NOL4: variants seen among roughly 807,000 people sequenced by gnomAD.
NOL4 encodes the protein nucleolar protein 4, also known as cancer/testis antigen 125.
In NOL4, 17 loss-of-function variants were observed where a neutral mutation model predicts 75.9. The ratio of observed to expected loss-of-function variants is 0.22; its 90% CI spans 0.15 to 0.34. The LOEUF (loss-of-function observed/expected upper bound fraction) is 0.34, where lower values mean the gene tolerates loss of function less well. Among genes scored for constraint, NOL4 ranks in the 10% least tolerant of loss-of-function variants. NOL4 has a pLI of 1.00. For missense variants in NOL4, 614 were observed against 793.5 expected (o/e 0.77, Z 2.72); for synonymous variants, 292 against 289.9 (o/e 1.01, Z -0.07).
intron 6 of NOL4, among the ~76,000 whole-genome samples, chr18:34,009,380 C>A (rs574735897): frequency 9.2e-5 from 14 of 151,960 alleles, no homozygotes; most frequent in African/African-American, 3.4e-4. Context: ...CTTCAAGTTG[C>A]CAATCTCAGT....
chr18:34,053,467 G>T (rs1402160358), intron 5 of NOL4, among the ~76,000 whole-genome samples: 1 of 151,886 alleles, frequency 6.6e-6, no homozygotes, highest in African/African-American at 2.4e-5. Context: ...GGAGAAAAAA[G>T]CTTATTATAA....
intron 5 of NOL4, among the ~76,000 whole-genome samples, chr18:34,046,113 T>G (rs931036754): frequency 1.3e-5 from 2 of 152,158 alleles, no homozygotes; most frequent in Non-Finnish European, 2.9e-5. Context: ...TGGTTTCCCA[T>G]GCAAAAATTC....
intron 6 of NOL4, among the ~76,000 whole-genome samples, chr18:34,018,280 G>C (rs1284805933): frequency 2.0e-5 from 3 of 152,126 alleles, no homozygotes; most frequent in African/African-American, 7.2e-5. Context: ...CACTGAGGAG[G>C]ATATTTGAAC....
At chr18:34,024,315 C>T (rs576089698) in intron 5 of NOL4, among the ~76,000 whole-genome samples, 25 of 150,030 alleles carry the variant, frequency 1.7e-4, no homozygotes, top group African/African-American at 5.9e-4. Context: ...CCCAAATTCA[C>T]CACAATTTTC....
chr18:33,952,040 T>G (rs928879205), intron 8 of NOL4, among the ~76,000 whole-genome samples: 1 of 152,206 alleles, frequency 6.6e-6, no homozygotes, highest in Non-Finnish European at 1.5e-5. Context: ...AAGAGTTTCC[T>G]ACTCATTTCA....
At chr18:34,116,368 T>C (rs2079858293) in intron 2 of NOL4, among the ~76,000 whole-genome samples, 1 of 152,184 alleles carries the variant, frequency 6.6e-6, no homozygotes, top group Admixed American at 6.5e-5. Context: ...TACTTGCCAA[T>C]GTTCTGCTTT....
At chr18:33,907,310 C>T (rs980099671) in intron 9 of NOL4, among the ~76,000 whole-genome samples, 31 of 108,890 alleles carry the variant, frequency 2.8e-4, no homozygotes, top group Non-Finnish European at 4.4e-4. Context: ...GGCGACAGAG[C>T]GAGACTCCAT....
chr18:34,180,865 T>G (rs919859390), intron 1 of NOL4, among the ~76,000 whole-genome samples: 4 of 151,304 alleles, frequency 2.6e-5, no homozygotes, highest in Non-Finnish European at 5.9e-5. Context: ...AAAAATAAAT[T>G]TAACAAAATA....
rs1339092146 is a variant in NOL4, at chr18:33,905,931, C to T, written c.1543-22507G>A. ...CAACATCCCATTGTCCTCAATTCCA[C>T]AAGATTTTGGAATGAACCTTTGAGA... On this transcript the variant is annotated intron_variant, in intron 9 of 10. Transcript: ENST00000261592. 2.0e-5 allele frequency among the ~76,000 whole-genome samples: 3 copies of T among 152,200 alleles called. No individual in the cohort carries two copies. In the East Asian group the frequency reaches 5.8e-4, roughly 29 times the overall value.
At chr18:34,118,097 A>G (rs577680267) in intron 2 of NOL4, among the ~76,000 whole-genome samples, 25 of 152,348 alleles carry the variant, frequency 1.6e-4, no homozygotes, top group Admixed American at 5.9e-4. Flanking sequence ...AGCAAACAAT[A>G]ATTAATATAA....
intron 5 of NOL4, among the ~76,000 whole-genome samples, chr18:34,019,856 C>T (rs149147096): frequency 6.6e-6 from 1 of 151,666 alleles, no homozygotes; most frequent in Non-Finnish European, 1.5e-5. Flanking sequence ...GGTCTAGTGG[C>T]AGGTGTTTGG....
rs139990261 is a variant in NOL4, at chr18:33,874,706, T to C, written c.1723+8538A>G. Among the ~76,000 whole-genome samples the C allele has an allele frequency of 6.1e-4, 93 of 151,834 alleles. 1 individual carries two copies. Among genetic ancestry groups the C allele is most frequent in the African/African-American group, 2.2e-3 (93 of 41,442 alleles). ...CGTGGAATGAAAAGTAAAAGGGAGG[T>C]AAGAAGTGAAGGCAGTGAATGAATA... On this transcript the variant is annotated intron_variant, in intron 10 of 10. Coordinates refer to ENST00000261592, the MANE Select transcript of NOL4 (RefSeq NM_003787.5).
intron 6 of NOL4, among the ~76,000 whole-genome samples, chr18:33,981,397 AC>A (rs2071946379): frequency 2.0e-5 from 3 of 151,950 alleles, no homozygotes; most frequent in Admixed American, 2.0e-4. Flanking sequence ...TTATAGTCAA[AC>A]TACAGAAAAT....
At chr18:34,048,557 GTCTGACTTCCCCTAAAT>G in intron 5 of NOL4, 1 of 985,384 alleles carries the variant, frequency 1.0e-6, no homozygotes, top group Non-Finnish European at 1.2e-6. Flanking sequence ...CCAGGGATTA[GTCTGACTTCCCCTAAAT>G]TCTCTCCTCT....
At chr18:34,075,102 G>A (rs1269068111) in intron 5 of NOL4, among the ~76,000 whole-genome samples, 1 of 152,126 alleles carries the variant, frequency 6.6e-6, no homozygotes, top group Non-Finnish European at 1.5e-5. Flanking sequence ...ACATTATACA[G>A]GTTGAGTATC....
Position 34,224,877 on chromosome 18 carries a change from T to C in NOL4, c.-1624A>G. 1 of 153,620 alleles carries C rather than the reference T, an allele frequency of 6.5e-6. No homozygotes were observed. Among genetic ancestry groups the C allele is most frequent in the Non-Finnish European group, 1.5e-5 (1 of 68,916 alleles). 9.5% of individuals were successfully genotyped at this position (153,620 alleles called of 1,614,324 possible). On this transcript the variant is annotated 5_prime_UTR_variant, in exon 1 of 11. Coordinates refer to ENST00000261592, the MANE Select transcript of NOL4 (RefSeq NM_003787.5). ...GTCTCGCGGCGGCTGGAGCCGGGAC[T>C]GACAGCCCGGGCGGAGCGCAGGCAG...
At chr18:33,940,832 A>G (rs1485067992) in intron 9 of NOL4, among the ~76,000 whole-genome samples, 1 of 151,954 alleles carries the variant, frequency 6.6e-6, no homozygotes, top group Non-Finnish European at 1.5e-5. Flanking sequence ...TAAAAAGGAG[A>G]GAATATGGAG....
chr18:33,954,216 C>T (rs867493584), intron 8 of NOL4, among the ~76,000 whole-genome samples: 29 of 152,222 alleles, frequency 1.9e-4, no homozygotes, highest in Non-Finnish European at 3.2e-4. Flanking sequence ...AGCTGTTATA[C>T]TGTGTTGTCT....
At chr18:34,009,891 A>G (rs2074271452) in intron 6 of NOL4, among the ~76,000 whole-genome samples, 1 of 151,936 alleles carries the variant, frequency 6.6e-6, no homozygotes, top group Non-Finnish European at 1.5e-5. Flanking sequence ...AAAATGAGAA[A>G]ACTAACAGAG....
Sources: allele counts gnomAD v4.1 joint callset (sites outside exome capture counted in the v4.1 genomes callset), GRCh38; gene constraint gnomAD v4.1.1; transcripts MANE v1.5; gene names NCBI Gene and HGNC (gene_info 2026-07-23, HGNC 2026-07-21).